Variants in IL1RAPL1 observed in about 807,000 individuals in gnomAD.
IL1RAPL1 encodes interleukin-1 receptor accessory protein-like 1.
In IL1RAPL1, 3 loss-of-function variants were observed where a neutral mutation model predicts 48.4. That is an observed-to-expected ratio of 0.06 (90% CI 0.03 to 0.16). IL1RAPL1 has a LOEUF of 0.16. Ranked by LOEUF, IL1RAPL1 falls within the 10% of genes least tolerant of loss-of-function variation. The pLI, the probability that IL1RAPL1 is intolerant of heterozygous loss-of-function variation, is 1.00. For synonymous variants in IL1RAPL1, 185 were observed against 187.7 expected, an observed-to-expected ratio of 0.99 and a Z score of 0.12; for missense variants, 349 against 530.6, an observed-to-expected ratio of 0.66 and a Z score of 3.36.
chrX:29,502,434 A>G (rs1296900007), intron 5 of IL1RAPL1, among the ~76,000 whole-genome samples: 2 of 111,522 alleles, frequency 1.8e-5, no homozygotes, highest in Non-Finnish European at 3.8e-5. Context: ...CTCACTTAGT[A>G]CAATATTAGC....
intron 2 of IL1RAPL1, among the ~76,000 whole-genome samples, chrX:28,952,011 C>T (rs187578256): frequency 2.0e-4 from 22 of 110,311 alleles, no homozygotes; most frequent in African/African-American, 6.2e-4. Flanking sequence ...ACTCTCTGGC[C>T]GTGGGCAAGT....
At chrX:29,119,987 G>A (rs1011196362) in intron 2 of IL1RAPL1, among the ~76,000 whole-genome samples, 2 of 111,081 alleles carry the variant, frequency 1.8e-5, no homozygotes, top group Non-Finnish European at 3.8e-5. Context: ...TATTCTACAG[G>A]GGCATAGGGA....
intron 6 of IL1RAPL1, among the ~76,000 whole-genome samples, chrX:29,776,878 A>T (rs906931771): frequency 1.8e-5 from 2 of 111,872 alleles, no homozygotes; most frequent in African/African-American, 6.5e-5. Flanking sequence ...ATAGCTGGAT[A>T]CAGAGCCAAT....
intron 2 of IL1RAPL1, among the ~76,000 whole-genome samples, chrX:29,144,719 A>G (rs901751370): frequency 6.6e-5 from 7 of 106,015 alleles, no homozygotes; most frequent in Non-Finnish European, 1.4e-4. Flanking sequence ...GGAGTAAGGC[A>G]TGTTGATCTT....
intron 6 of IL1RAPL1, among the ~76,000 whole-genome samples, chrX:29,685,386 C>T (rs182089293): frequency 9.1e-6 from 1 of 110,299 alleles, no homozygotes; most frequent in African/African-American, 3.3e-5. Flanking sequence ...ACCTGTAATC[C>T]CAGCTACTCG....
chrX:28,662,519 G>A (rs1934834365), intron 1 of IL1RAPL1, among the ~76,000 whole-genome samples: 1 of 111,582 alleles, frequency 9.0e-6, no homozygotes, highest in African/African-American at 3.3e-5. Context: ...TGGATAGGGT[G>A]TGAGTTTGAC....
intron 3 of IL1RAPL1, among the ~76,000 whole-genome samples, chrX:29,334,570 C>A (rs1308783949): frequency 9.2e-6 from 1 of 109,055 alleles, no homozygotes; most frequent in Non-Finnish European, 1.9e-5. Context: ...GGGGCGGTTG[C>A]CAGGCAGAGG....
chrX:29,583,094 A>T (rs1923032750), intron 5 of IL1RAPL1, among the ~76,000 whole-genome samples: 1 of 106,193 alleles, frequency 9.4e-6, no homozygotes, highest in East Asian at 3.0e-4. Flanking sequence ...TTCTATGACA[A>T]ACCCACAGCC....
At chrX:29,079,987 G>A (rs1037977737) in intron 2 of IL1RAPL1, among the ~76,000 whole-genome samples, 4 of 111,615 alleles carry the variant, frequency 3.6e-5, no homozygotes, top group African/African-American at 9.8e-5. Context: ...GAAGGAAAAC[G>A]GAGTGGTGTT....
rs1257370889 is a variant in IL1RAPL1 at position 29,390,950 on chromosome X, G to C, written c.363-5308G>C. Among the ~76,000 whole-genome samples the C allele has an allele frequency of 3.6e-5, 4 of 111,353 alleles. No homozygotes were observed. The East Asian group carries it at 1.1e-3, about 31-fold the overall frequency. On this transcript the variant is annotated intron_variant, in intron 3 of 10. Coordinates refer to ENST00000378993, the MANE Select transcript of IL1RAPL1 (RefSeq NM_014271.4). ...GCACTTTGGGAGGCTGAGGCAGGTA[G>C]ATCAACTGAGATCAGGAGTTTGAGA...
rs755033587 is a variant in IL1RAPL1, at chrX:29,803,543, GTA to G, written c.779-113917_779-113916del. 5.1e-3 allele frequency among the ~76,000 whole-genome samples: 501 copies of G among 97,568 alleles called. 4 individuals are homozygous for G. The highest frequency in any genetic ancestry group is 0.017 in the African/African-American group (468 of 27,014). 84.7% of individuals were successfully genotyped at this position (97,568 alleles called of 115,157 possible). Reference sequence around the variant, plus strand: ...TATATGTATATATGTATACATATATGTATATGTGTGTATATATGTATATATGT... The same window carrying G: ...TATATGTATATATGTATACATATATGTATGTGTGTATATATGTATATATGT... On this transcript the variant is annotated intron_variant, in intron 6 of 10. Transcript: ENST00000378993.
intron 2 of IL1RAPL1, among the ~76,000 whole-genome samples, chrX:28,876,388 G>C (rs984042322): frequency 8.9e-6 from 1 of 112,259 alleles, no homozygotes; most frequent in Non-Finnish European, 1.9e-5. Context: ...CAAGGGCAAG[G>C]TGGCAAAGAA....
At chrX:29,772,025 C>T (rs1171845073) in intron 6 of IL1RAPL1, among the ~76,000 whole-genome samples, 1 of 110,394 alleles carries the variant, frequency 9.1e-6, no homozygotes, top group Admixed American at 9.7e-5. Context: ...AGACCCGCCT[C>T]CATGATTCAG....
intron 3 of IL1RAPL1, among the ~76,000 whole-genome samples, chrX:29,299,783 C>A (rs992213826): frequency 8.9e-6 from 1 of 112,078 alleles, no homozygotes. Flanking sequence ...CAAGTGATAA[C>A]GGTTACTATG....
At chrX:28,943,817 A>G (rs1924226313) in intron 2 of IL1RAPL1, among the ~76,000 whole-genome samples, 1 of 110,806 alleles carries the variant, frequency 9.0e-6, no homozygotes, top group African/African-American at 3.3e-5. Flanking sequence ...TATCTTCCCA[A>G]TTCCCTTTAG....
At chrX:29,244,014 A>G (rs1197195862) in intron 2 of IL1RAPL1, among the ~76,000 whole-genome samples, 1 of 111,016 alleles carries the variant, frequency 9.0e-6, no homozygotes, top group East Asian at 2.8e-4. Flanking sequence ...GTGTAATTCC[A>G]TGTGTGTCCC....
intron 1 of IL1RAPL1, chrX:28,659,474 T>C (rs1383338979): frequency 4.4e-5 from 22 of 505,386 alleles, no homozygotes; most frequent in Admixed American, 3.8e-4. Flanking sequence ...AGCCATGATA[T>C]AGAGACCTCC....
At chrX:29,874,374 T>C (rs1931861595) in intron 6 of IL1RAPL1, among the ~76,000 whole-genome samples, 1 of 112,302 alleles carries the variant, frequency 8.9e-6, no homozygotes, top group Admixed American at 9.4e-5. Context: ...AAGTATTCTA[T>C]ATTTTAAACA....
At chrX:29,788,864 T>C (rs149807627) in intron 6 of IL1RAPL1, among the ~76,000 whole-genome samples, 2,954 of 111,858 alleles carry the variant, frequency 0.026, 75 homozygotes, top group African/African-American at 0.091. Flanking sequence ...ATGGTTGGTA[T>C]GTTAAAGTTT....
Sources: gnomAD v4.1 joint callset for allele counts (sites outside exome capture counted in the v4.1 genomes callset) on GRCh38, gnomAD v4.1.1 for gene constraint, MANE v1.5 for transcripts, NCBI Gene and HGNC (gene_info 2026-07-23, HGNC 2026-07-21) for gene names.